The following VPS54 variants were observed in gnomAD, a reference collection of about 807,000 sequenced individuals.
The protein encoded by VPS54 is VPS54 subunit of GARP complex.
VPS54 carries 45 observed loss-of-function variants against 121.5 expected under a neutral mutation model. The observed-to-expected ratio is 0.37, with a 90% confidence interval of 0.29 to 0.47. The LOEUF (loss-of-function observed/expected upper bound fraction) is 0.47, where lower values mean the gene tolerates loss of function less well. VPS54 is among the 20% of genes least tolerant of loss of function. The probability of loss-of-function intolerance (pLI) is 0.99; values close to 1 mark genes in which losing one functional copy is unlikely to be tolerated. For synonymous variants in VPS54, 371 were observed against 385.8 expected (o/e 0.96, Z 0.45); for missense variants, 1,090 against 1,131.4 (o/e 0.96, Z 0.52).
intron 3 of VPS54, among the ~76,000 whole-genome samples, chr2:63,981,361 T>C (rs1391148863): frequency 6.6e-6 from 1 of 152,152 alleles, no homozygotes; most frequent in Admixed American, 6.5e-5. Context: ...CTGGACTTTA[T>C]AGGCCTAACA....
intron 12 of VPS54, among the ~76,000 whole-genome samples, chr2:63,927,096 C>T (rs1396893046): frequency 1.3e-5 from 2 of 152,204 alleles, no homozygotes; most frequent in Non-Finnish European, 2.9e-5. Flanking sequence ...GAACAAAAGG[C>T]AGCAGACAGC....
chr2:63,911,473 T>C, intron 20 of VPS54, among the ~76,000 whole-genome samples: 1 of 152,294 alleles, frequency 6.6e-6, no homozygotes, highest in Non-Finnish European at 1.5e-5. Context: ...ATAATAATAT[T>C]ATTAATAAGA....
At chr2:63,938,632 T>C (rs1674576527) in intron 11 of VPS54, among the ~76,000 whole-genome samples, 1 of 152,152 alleles carries the variant, frequency 6.6e-6, no homozygotes, top group South Asian at 2.1e-4. Context: ...GCCCAGCTGA[T>C]TTTTGTATTA....
At chr2:63,921,842 A>G (rs1673661521) in intron 12 of VPS54, among the ~76,000 whole-genome samples, 1 of 152,214 alleles carries the variant, frequency 6.6e-6, no homozygotes, top group East Asian at 1.9e-4. Flanking sequence ...TAGTATTTTC[A>G]ACACTTGGTT....
chr2:63,935,834 G>A (rs1674428456), intron 11 of VPS54, among the ~76,000 whole-genome samples: 1 of 152,156 alleles, frequency 6.6e-6, no homozygotes, highest in Non-Finnish European at 1.5e-5. Flanking sequence ...TTCATTTGAT[G>A]ACTGAAGAAG....
At position 63,913,317 on chromosome 2, in the gene VPS54, AAAG is replaced by A. The variant is rs1191320803; in HGVS notation, c.2335-10_2335-8del. Reference sequence around the variant, plus strand: ...AACTTCTTGAATTGAAGTACTAACAAAAGAAGGAGAAAAAAACCCCAAAATTTA... The same window carrying A: ...AACTTCTTGAATTGAAGTACTAACAAAAGGAGAAAAAAACCCCAAAATTTA... On this transcript the variant is annotated splice_region_variant and splice_polypyrimidine_tract_variant and intron_variant, in intron 17 of 22. Transcript: ENST00000272322. The A allele has an allele frequency of 1.2e-6, 2 of 1,603,854 alleles. No individual in the cohort carries two copies. The highest frequency in any genetic ancestry group is 1.7e-6 in the Non-Finnish European group (2 of 1,176,184).
intron 16 of VPS54, among the ~76,000 whole-genome samples, chr2:63,915,287 C>A (rs1171520722): frequency 6.6e-6 from 1 of 151,290 alleles, no homozygotes. Flanking sequence ...GAAAGCCATT[C>A]ATCATAGGAT....
intron 15 of VPS54, among the ~76,000 whole-genome samples, chr2:63,918,486 G>GTA (rs1673486837): frequency 1.0e-4 from 1 of 10,016 alleles, no homozygotes; most frequent in Non-Finnish European, 3.1e-4. Flanking sequence ...AGTGGTCAGA[G>GTA]TTTTATTTTT....
rs1676468424 is a variant in VPS54 at position 63,975,199 on chromosome 2, A to G, written c.379-2955T>C. On this transcript the variant is annotated intron_variant, in intron 3 of 22. Coordinates refer to ENST00000272322, the MANE Select transcript of VPS54 (RefSeq NM_016516.3). ...TAGCTGAAATCCCCATTGCAAAATT[A>G]TAACTGAGACAGTGAAAGAGATCTG... The G allele has an allele frequency of 1.2e-5, 7 of 568,148 alleles. No homozygotes were observed. The East Asian group carries it at 1.7e-4, about 14-fold the overall frequency. The allele number at this position is 568,148 out of a possible 1,614,324, so 35.2% of individuals were successfully genotyped here.
At chr2:63,944,373 A>G (rs1400635052) in intron 10 of VPS54, among the ~76,000 whole-genome samples, 1 of 152,194 alleles carries the variant, frequency 6.6e-6, no homozygotes, top group African/African-American at 2.4e-5. Flanking sequence ...GGGTTGCCTC[A>G]GGGTGACTGC....
intron 14 of VPS54, among the ~76,000 whole-genome samples, chr2:63,920,210 G>C (rs994473152): frequency 6.6e-6 from 1 of 151,834 alleles, no homozygotes; most frequent in Non-Finnish European, 1.5e-5. Context: ...ACTTTGAGTG[G>C]GAACAAAAGT....
chr2:63,946,695 A>AC (rs934152131), intron 9 of VPS54, among the ~76,000 whole-genome samples: 1 of 152,086 alleles, frequency 6.6e-6, no homozygotes, highest in African/African-American at 2.4e-5. Context: ...TATCTGACTA[A>AC]AAAAAGTCAA....
chr2:63,917,127 G>A (rs1471504455), intron 15 of VPS54, among the ~76,000 whole-genome samples, 164 bp from the exon 16 acceptor site: 2 of 152,100 alleles, frequency 1.3e-5, no homozygotes, highest in East Asian at 1.9e-4. Context: ...AAAGTATACT[G>A]GAAGTTGGAG....
intron 9 of VPS54, 119 bp from the exon 10 acceptor site, chr2:63,944,774 A>T: frequency 1.3e-6 from 1 of 756,230 alleles, no homozygotes; most frequent in Admixed American, 3.1e-5. Flanking sequence ...ACTTTTCAAA[A>T]AAGGACATAC....
intron 3 of VPS54, among the ~76,000 whole-genome samples, chr2:63,974,676 T>A (rs1189245223): frequency 6.6e-6 from 1 of 152,184 alleles, no homozygotes; most frequent in African/African-American, 2.4e-5. Flanking sequence ...CATAAAGCCT[T>A]CATTTTCTTT....
At chr2:63,898,337 T>C (rs1166851439) in intron 21 of VPS54, among the ~76,000 whole-genome samples, 4 of 152,114 alleles carry the variant, frequency 2.6e-5, no homozygotes, top group African/African-American at 7.2e-5. Context: ...ATGGAAAGGA[T>C]GGCTTGGCTA....
chr2:63,972,288 G>GAAAT, intron 3 of VPS54, 44 bp from the exon 4 acceptor site: 1 of 1,416,876 alleles, frequency 7.1e-7, no homozygotes, highest in Non-Finnish European at 9.8e-7. Flanking sequence ...GTGTAAACAT[G>GAAAT]AGTATTCAAA....
At chr2:63,961,973 T>C (rs2104560727) in intron 7 of VPS54, 85 bp downstream of exon 7, 1 of 1,342,028 alleles carries the variant, frequency 7.5e-7, no homozygotes. Context: ...ACTTTGAATA[T>C]ATTCACACTT....
At chr2:63,992,543 GAC>G (rs2104647781) in intron 1 of VPS54, among the ~76,000 whole-genome samples, 1 of 152,342 alleles carries the variant, frequency 6.6e-6, no homozygotes, top group East Asian at 1.9e-4. Context: ...ATGGAAATCT[GAC>G]ACACCCATTT....
Sources: allele counts gnomAD v4.1 joint callset (sites outside exome capture counted in the v4.1 genomes callset), GRCh38; gene constraint gnomAD v4.1.1; transcripts MANE v1.5; gene names NCBI Gene and HGNC (gene_info 2026-07-23, HGNC 2026-07-21).